The following MSTO1 variants were observed in gnomAD, a reference collection of about 807,000 sequenced individuals.
The protein encoded by MSTO1 is protein misato homolog 1.
Under a neutral mutation model 55.7 loss-of-function variants are expected in MSTO1, and 24 were observed. The observed-to-expected ratio is 0.43, with a 90% confidence interval of 0.31 to 0.61. The LOEUF (loss-of-function observed/expected upper bound fraction) is 0.61. Among genes scored for constraint, MSTO1 ranks in the 20% least tolerant of loss-of-function variants. The probability of loss-of-function intolerance (pLI) is 0.09; values close to 1 mark genes in which losing one functional copy is unlikely to be tolerated. For missense variants in MSTO1, 363 were observed against 625.7 expected (o/e 0.58, Z 4.48); for synonymous variants, 162 against 252.8 (o/e 0.64, Z 3.41).
rs543019912 is a variant in MSTO1 at position 155,611,497 on chromosome 1, T to C, written c.367-52T>C. On this transcript the variant is annotated intron_variant, in intron 4 of 13. Transcript: ENST00000245564. ...CCAACTCAAGGAGGACGAAGCAACC[T>C]TTGCCTCTAAACTGCCTGGAACTAA... is the stretch of plus-strand genomic sequence containing the variant. 82 of 1,613,768 alleles carry C rather than the reference T, an allele frequency of 5.1e-5. No homozygotes were observed. The East Asian group carries it at 1.7e-3, about 33-fold the overall frequency.
At chr1:155,573,699 G>A in the MSTO1 span, among the ~76,000 whole-genome samples, 2 of 151,976 alleles carry the variant, frequency 1.3e-5, no homozygotes, top group African/African-American at 2.4e-5. Context: ...TTAGCTGGGC[G>A]TGGTGGCAGG....
At chr1:155,570,044 G>A in the MSTO1 span, among the ~76,000 whole-genome samples, 5 of 152,098 alleles carry the variant, frequency 3.3e-5, no homozygotes, top group East Asian at 5.8e-4. Flanking sequence ...GTTGGTATTT[G>A]TTTTAAGTTT....
the MSTO1 span, among the ~76,000 whole-genome samples, chr1:155,570,630 G>A: frequency 6.6e-6 from 1 of 152,186 alleles, no homozygotes; most frequent in Non-Finnish European, 1.5e-5. Flanking sequence ...TTTTGAGAAT[G>A]AGCGAGACCA....
chr1:155,612,880 A>G lies in MSTO1; in HGVS notation c.1003A>G (p.Thr335Ala). 6.2e-7 allele frequency: 1 copy of G among 1,613,886 alleles called. No individual in the cohort carries two copies. Among genetic ancestry groups the G allele is most frequent in the South Asian group, 1.1e-5 (1 of 91,076 alleles). The part of the protein sequence containing the change: ...LPFHCSAILA[T>A]ALDTVTVPYR... ...CTTCCACTGCAGTGCCATCCTGGCTACAGCCCTGGACACAGTCACTGTTCC... is the reference window on the plus strand; with the variant it reads ...CTTCCACTGCAGTGCCATCCTGGCTGCAGCCCTGGACACAGTCACTGTTCC... The change falls in exon 10 of 14, where the codon ACA becomes GCA. Residue 335 changes from threonine (T) to alanine (A), a missense_variant. Thr to Ala is a moderately conservative substitution (Grantham distance 58). Transcript: ENST00000245564.
At chr1:155,563,964 G>A in the MSTO1 span, 1 of 178,852 alleles carries the variant, frequency 5.6e-6, no homozygotes, top group African/African-American at 2.4e-5. Context: ...GGTTTCTGTG[G>A]CTACTGAATA....
chr1:155,587,470 G>A, the MSTO1 span, among the ~76,000 whole-genome samples: 1 of 150,438 alleles, frequency 6.6e-6, no homozygotes. Flanking sequence ...AAGGCCGGGC[G>A]TGGTGGCTCA....
At chr1:155,570,655 T>C in the MSTO1 span, among the ~76,000 whole-genome samples, 1 of 152,190 alleles carries the variant, frequency 6.6e-6, no homozygotes, top group African/African-American at 2.4e-5. Flanking sequence ...CACATAACTT[T>C]TGTATGGTAT....
chr1:155,591,162 G>A, the MSTO1 span: 1 of 1,613,288 alleles, frequency 6.2e-7, no homozygotes, highest in African/African-American at 1.3e-5. Context: ...GCCGATGAAA[G>A]TGGTCACTTT....
At chr1:155,596,936 C>A in the MSTO1 span, among the ~76,000 whole-genome samples, 1 of 152,110 alleles carries the variant, frequency 6.6e-6, no homozygotes, top group African/African-American at 2.4e-5. Flanking sequence ...AACCTCATCT[C>A]TATCCAAAAA....
upstream of MSTO1, among the ~76,000 whole-genome samples, chr1:155,609,574 G>C (rs1199656945): frequency 6.6e-6 from 1 of 152,106 alleles, no homozygotes; most frequent in Non-Finnish European, 1.5e-5. Flanking sequence ...TAGATCAGTG[G>C]TGGCGTATTC....
the MSTO1 span, among the ~76,000 whole-genome samples, chr1:155,589,548 G>A: frequency 6.6e-6 from 1 of 152,244 alleles, no homozygotes; most frequent in South Asian, 2.1e-4. Context: ...TGAGGAGCAA[G>A]TAAGCCAGTC....
At chr1:155,578,299 G>C in the MSTO1 span, among the ~76,000 whole-genome samples, 3 of 150,806 alleles carry the variant, frequency 2.0e-5, no homozygotes, top group Non-Finnish European at 4.4e-5. Flanking sequence ...AGCATTTATG[G>C]GGGAGGGGTG....
the MSTO1 span, among the ~76,000 whole-genome samples, chr1:155,584,691 A>AAAAAGAAAG: frequency 2.6e-5 from 2 of 75,612 alleles, no homozygotes; most frequent in Admixed American, 2.4e-4. Flanking sequence ...AAAAAAAAAA[A>AAAAAGAAAG]AAAGAAAGAA....
chr1:155,568,702 T>G, the MSTO1 span, among the ~76,000 whole-genome samples: 1 of 152,142 alleles, frequency 6.6e-6, no homozygotes, highest in African/African-American at 2.4e-5. Context: ...TCTCCCAAAG[T>G]GCTGGGATTA....
At chr1:155,606,511 C>T (rs141842108), upstream of MSTO1, among the ~76,000 whole-genome samples, 868 of 151,950 alleles carry the variant, frequency 5.7e-3, 8 homozygotes, top group African/African-American at 0.02. Flanking sequence ...TCTTCTGCCC[C>T]AGCCTCCCGA....
the MSTO1 span, among the ~76,000 whole-genome samples, chr1:155,579,958 C>A: frequency 2.0e-5 from 3 of 151,556 alleles, no homozygotes; most frequent in African/African-American, 7.3e-5. Flanking sequence ...TGTCTGTAAT[C>A]CCAGCTACTT....
At chr1:155,567,431 C>A in the MSTO1 span, among the ~76,000 whole-genome samples, 1 of 151,896 alleles carries the variant, frequency 6.6e-6, no homozygotes, top group Admixed American at 6.5e-5. Context: ...CCTGCCTCAG[C>A]CTCCCGAGTA....
the MSTO1 span, chr1:155,591,363 A>C: frequency 1.3e-5 from 12 of 907,944 alleles, no homozygotes; most frequent in Non-Finnish European, 1.8e-5. Flanking sequence ...AGATTGGCCC[A>C]CAAATGCTGT....
At chr1:155,572,224 A>G in the MSTO1 span, among the ~76,000 whole-genome samples, 1 of 152,064 alleles carries the variant, frequency 6.6e-6, no homozygotes, top group Non-Finnish European at 1.5e-5. Context: ...ACTCGATGCC[A>G]ATAGCATCCT....
Sources: gnomAD v4.1 joint callset for allele counts (sites outside exome capture counted in the v4.1 genomes callset) on GRCh38, gnomAD v4.1.1 for gene constraint, MANE v1.5 for transcripts, NCBI Gene and HGNC (gene_info 2026-07-23, HGNC 2026-07-21) for gene names.